Variants in DPYSL4 observed in about 807,000 individuals in gnomAD.
DPYSL4 encodes dihydropyrimidinase like 4.
A neutral mutation model predicts 63.4 loss-of-function variants in DPYSL4; 43 were observed. The observed-to-expected ratio is 0.68, with a 90% CI of 0.53 to 0.88. The LOEUF is 0.88. Ranked by LOEUF, DPYSL4 falls within the 40% of genes least tolerant of loss-of-function variation. The pLI is 0.00. For synonymous variants in DPYSL4, 353 were observed against 331.7 expected (o/e 1.06, Z -0.70); for missense variants, 733 against 819.5 (o/e 0.89, Z 1.29).
At chr10:132,196,238 G>A (rs983403918) in intron 4 of DPYSL4, among the ~76,000 whole-genome samples, 1 of 152,222 alleles carries the variant, frequency 6.6e-6, no homozygotes, top group African/African-American at 2.4e-5. Flanking sequence ...TCCGAGTCCT[G>A]GGGGAGGTGG....
intron 6 of DPYSL4, among the ~76,000 whole-genome samples, chr10:132,197,713 A>G (rs1377233960): frequency 1.3e-5 from 2 of 152,332 alleles, no homozygotes; most frequent in East Asian, 3.9e-4. Flanking sequence ...CCACAGTGAG[A>G]CTTCGTGGGA....
intron 13 of DPYSL4, 65 bp downstream of exon 13, chr10:132,203,992 A>G: frequency 6.5e-7 from 1 of 1,538,382 alleles, no homozygotes; most frequent in Non-Finnish European, 8.8e-7. Context: ...GGCCTCAGGT[A>G]CCAGGGCCCA....
chr10:132,189,240 C>T (rs971186203), intron 1 of DPYSL4, among the ~76,000 whole-genome samples: 10 of 152,366 alleles, frequency 6.6e-5, no homozygotes, highest in African/African-American at 1.7e-4. Context: ...CTGAGGCGCA[C>T]GCCAGACGGT....
At chr10:132,198,795 C>T in intron 7 of DPYSL4, 56 bp from the exon 8 acceptor site, 1 of 1,600,598 alleles carries the variant, frequency 6.2e-7, no homozygotes, top group East Asian at 2.2e-5. Context: ...ATTGCCCACA[C>T]TGGTCTGGAG....
At chr10:132,194,823 G>C in intron 3 of DPYSL4, 22 bp from the exon 4 acceptor site, 1 of 1,606,706 alleles carries the variant, frequency 6.2e-7, no homozygotes, top group Non-Finnish European at 8.5e-7. Context: ...GGGGGAAGCT[G>C]CTGACCATGC....
rs535852329 is a variant in DPYSL4, at chr10:132,198,946, C to T, written c.786C>T (p.Asp262=). The T allele has an allele frequency of 1.3e-5, 21 of 1,612,512 alleles. 1 individual carries two copies. The highest frequency in any genetic ancestry group is 3.3e-4 in the Middle Eastern group (2 of 6,060). The change falls in exon 8 of 14, where the codon GAC becomes GAT. Residue 262 remains aspartate (D), a synonymous_variant. Transcript: ENST00000338492. ...VTKVMSKGAA[D]AIAQAKRRGV... ...AGGTGATGAGCAAGGGGGCGGCCGA[C>T]GCCATCGCTCAGGCCAAGCGCAGAG...
At position 132,204,979 on chromosome 10, in the gene DPYSL4, G is replaced by A. The variant is rs114235518; in HGVS notation, c.*49G>A. Reference sequence around the variant, plus strand: ...CCGTGCTGGCCCCACCCGAGGCCGCGGGGGCCCCAGGGCACTCGCCCCCCT... The same window carrying A: ...CCGTGCTGGCCCCACCCGAGGCCGCAGGGGCCCCAGGGCACTCGCCCCCCT... On this transcript the variant is annotated 3_prime_UTR_variant, in exon 14 of 14. Transcript: ENST00000338492. 0.15 allele frequency: 228,320 copies of A among 1,486,868 alleles called. 18,846 individuals carry two copies. Among genetic ancestry groups the A allele is most frequent in the South Asian group, 0.24 (18,795 of 78,288 alleles). The allele number at this position is 1,486,868 out of a possible 1,614,324, so 92.1% of individuals were successfully genotyped here.
intron 2 of DPYSL4, chr10:132,192,354 C>G: frequency 9.6e-7 from 1 of 1,043,740 alleles, no homozygotes; most frequent in Non-Finnish European, 1.2e-6. Context: ...AGCGCACCTG[C>G]TTCCGTTTGT....
chr10:132,201,639 A>G (rs1356183981), intron 10 of DPYSL4, among the ~76,000 whole-genome samples: 1 of 152,206 alleles, frequency 6.6e-6, no homozygotes, highest in African/African-American at 2.4e-5. Context: ...GAGTGTTGCC[A>G]TGGCGAGGGC....
chr10:132,190,123 C>T (rs143563376), intron 1 of DPYSL4, among the ~76,000 whole-genome samples: 2 of 152,402 alleles, frequency 1.3e-5, no homozygotes, highest in East Asian at 1.9e-4. Context: ...CCTGCCATGG[C>T]GCCCTCACTG....
rs754104575 is a variant in DPYSL4, at chr10:132,198,872, C to T, written c.712C>T (p.Arg238Ter). 26 of 1,612,830 alleles carry T rather than the reference C, an allele frequency of 1.6e-5. No homozygotes were observed. The highest frequency in any genetic ancestry group is 2.7e-5 in the African/African-American group (2 of 74,942). ...CCAGGTGGAGGCTGAGGCGGTGTACCGAGCTGTCACCATCGCCAAGCAGGC... is the reference window on the plus strand; with the variant it reads ...CCAGGTGGAGGCTGAGGCGGTGTACTGAGCTGTCACCATCGCCAAGCAGGC... Reference protein sequence around the residue: ...PEEVEAEAVYRAVTIAKQANC... With the variant: ...PEEVEAEAVY Residue 238 changes from arginine (R) to a stop codon, truncating the protein, a stop_gained, in exon 8 of 14, where the codon CGA (arginine) becomes TGA (stop). Coordinates refer to ENST00000338492, the MANE Select transcript of DPYSL4 (RefSeq NM_006426.3). LOFTEE classifies it high-confidence loss of function.
At chr10:132,193,856 C>CATT (rs1565039888) in intron 3 of DPYSL4, among the ~76,000 whole-genome samples, 1 of 152,260 alleles carries the variant, frequency 6.6e-6, no homozygotes, top group African/African-American at 2.4e-5. Context: ...GACATTTAGC[C>CATT]ATTACCAAAT....
rs527424921 is a variant in DPYSL4, at chr10:132,196,454, G to A, written c.479-407G>A. Among the ~76,000 whole-genome samples the A allele has an allele frequency of 3.3e-5, 5 of 152,304 alleles. No individual in the cohort carries two copies. In the East Asian group the frequency reaches 9.6e-4, roughly 29 times the overall value. On this transcript the variant is annotated intron_variant, in intron 4 of 13. Coordinates refer to ENST00000338492, the MANE Select transcript of DPYSL4 (RefSeq NM_006426.3). ...AGGTGCTGGATGTGCTGGACGGCCA[G>A]AATGCAGGTCCCCAGCACAGCGCGG...
rs537162289 is a variant in DPYSL4, at chr10:132,200,917, C to T, written c.1044C>T (p.Phe348=). Reference sequence around the variant, plus strand: ...AGAAGGCTGTGGGCAAGGACAACTTCGCGCTGATCCCCGAGGGCACCAACG... The same window carrying T: ...AGAAGGCTGTGGGCAAGGACAACTTTGCGCTGATCCCCGAGGGCACCAACG... ...TAQKAVGKDN[F]ALIPEGTNGI... is the part of the protein sequence containing the mutation. The change falls in exon 10 of 14, where the codon TTC becomes TTT. Residue 348 remains phenylalanine (F), a synonymous_variant. Coordinates refer to ENST00000338492, the MANE Select transcript of DPYSL4 (RefSeq NM_006426.3). 4.6e-5 allele frequency: 75 copies of T among 1,613,304 alleles called. No homozygotes were observed. The Middle Eastern group carries it at 6.6e-4, about 14-fold the overall frequency.
chr10:132,188,807 A>G (rs894739346), intron 1 of DPYSL4, among the ~76,000 whole-genome samples: 6 of 152,294 alleles, frequency 3.9e-5, no homozygotes, highest in African/African-American at 1.4e-4. Flanking sequence ...AGAATTTTTG[A>G]GTCATGACAT....
In DPYSL4 at chr10:132,193,854, G is replaced by C. The variant is rs181904739; in HGVS notation, c.314-991G>C. Among the ~76,000 whole-genome samples the C allele has an allele frequency of 2.0e-5, 3 of 152,370 alleles. No homozygotes were observed. The East Asian group carries it at 5.8e-4, about 29-fold the overall frequency. On this transcript the variant is annotated intron_variant, in intron 3 of 13. Transcript: ENST00000338492. ...CCTGAAACACCTCGCGGGACATTTAGCCATTACCAAATCACAGCTTGGTTT... is the reference window on the plus strand; with the variant it reads ...CCTGAAACACCTCGCGGGACATTTACCCATTACCAAATCACAGCTTGGTTT...
intron 12 of DPYSL4, 121 bp from the exon 13 acceptor site, chr10:132,203,641 G>A: frequency 1.0e-6 from 1 of 961,986 alleles, no homozygotes. Context: ...GCACTGGAGA[G>A]GCGCAGAGCA....
chr10:132,187,263 G>T (rs2061808963), intron 1 of DPYSL4, among the ~76,000 whole-genome samples, 161 bp downstream of exon 1: 1 of 151,406 alleles, frequency 6.6e-6, no homozygotes, highest in Admixed American at 6.6e-5. Context: ...GCTCCTTCGC[G>T]CCCCAGGGTC....
intron 1 of DPYSL4, among the ~76,000 whole-genome samples, chr10:132,189,043 C>CCT (rs1565036424): frequency 1.3e-5 from 2 of 152,248 alleles, no homozygotes; most frequent in East Asian, 3.8e-4. Flanking sequence ...CCTTCTCATT[C>CCT]TGAGAGTTTT....
Sources: gnomAD v4.1 joint callset for allele counts (sites outside exome capture counted in the v4.1 genomes callset) on GRCh38, gnomAD v4.1.1 for gene constraint, MANE v1.5 for transcripts, NCBI Gene and HGNC (gene_info 2026-07-23, HGNC 2026-07-21) for gene names.